Variants in PHF24 observed in about 807,000 individuals in gnomAD.
PHF24 encodes PHD finger protein 24, also known as Galpha inhibitory interacting protein.
A neutral mutation model predicts 42.6 loss-of-function variants in PHF24; 25 were observed. The observed-to-expected ratio is 0.59, with a 90% CI of 0.43 to 0.82. The LOEUF is 0.82. PHF24 is among the 40% of genes least tolerant of loss of function. The pLI is 0.00. For synonymous variants in PHF24, 185 were observed against 204.8 expected, an observed-to-expected ratio of 0.90 and a Z score of 0.83; for missense variants, 470 against 538.1, an observed-to-expected ratio of 0.87 and a Z score of 1.25.
At chr9:34,965,287 C>G (rs955629010) in intron 1 of PHF24, among the ~76,000 whole-genome samples, 3 of 152,208 alleles carry the variant, frequency 2.0e-5, no homozygotes, top group Non-Finnish European at 4.4e-5. Flanking sequence ...GTTTTAGACT[C>G]GCTTTTAAAG....
At chr9:34,838,688 C>T in the PHF24 span, 8 of 411,752 alleles carry the variant, frequency 1.9e-5, no homozygotes, top group African/African-American at 1.4e-4. Flanking sequence ...GTGATTCAGT[C>T]TGTAGATGAG....
At chr9:34,837,087 T>C in the PHF24 span, 1 of 471,186 alleles carries the variant, frequency 2.1e-6, no homozygotes, top group Non-Finnish European at 4.4e-6. Context: ...AGAGAACAGC[T>C]CTTGTGGCTT....
the PHF24 span, among the ~76,000 whole-genome samples, chr9:34,903,858 G>A: frequency 6.6e-6 from 1 of 152,216 alleles, no homozygotes; most frequent in South Asian, 2.1e-4. Flanking sequence ...TCTTTCAGCA[G>A]TGTTCTGTAG....
At chr9:34,897,920 T>C in the PHF24 span, among the ~76,000 whole-genome samples, 1 of 152,220 alleles carries the variant, frequency 6.6e-6, no homozygotes, top group South Asian at 2.1e-4. Flanking sequence ...TGAGAACATA[T>C]GATGTTTGGT....
chr9:34,758,097 A>G, the PHF24 span, among the ~76,000 whole-genome samples: 1 of 144,800 alleles, frequency 6.9e-6, no homozygotes, highest in African/African-American at 2.4e-5. This position sits in a 1 kb window ranked among gnomAD's most constrained non-coding sequence, Gnocchi z 4.4. Context: ...GCTTGGGGAT[A>G]TGTTTGCTGA....
At chr9:34,667,525 A>G in the PHF24 span, among the ~76,000 whole-genome samples, 1 of 152,142 alleles carries the variant, frequency 6.6e-6, no homozygotes, top group South Asian at 2.1e-4. Flanking sequence ...GTGCCGAGGA[A>G]CTAGAGGCCT....
the PHF24 span, among the ~76,000 whole-genome samples, chr9:34,830,445 T>C: frequency 3.3e-5 from 5 of 152,338 alleles, no homozygotes; most frequent in East Asian, 9.6e-4. Context: ...TGTTCTGCCA[T>C]GGCTCCTTAA....
At chr9:34,801,362 C>A in the PHF24 span, among the ~76,000 whole-genome samples, 1 of 152,158 alleles carries the variant, frequency 6.6e-6, no homozygotes, top group Non-Finnish European at 1.5e-5. Flanking sequence ...TATTGCAGCA[C>A]TATTTACAAT....
chr9:34,735,581 A>G, the PHF24 span, among the ~76,000 whole-genome samples: 5 of 151,088 alleles, frequency 3.3e-5, no homozygotes, highest in African/African-American at 9.7e-5. Context: ...CTGGTGGATC[A>G]TGAGGTCAGG....
the PHF24 span, among the ~76,000 whole-genome samples, chr9:34,810,274 C>T: frequency 0.016 from 2,424 of 152,250 alleles, 59 homozygotes; most frequent in East Asian, 0.098. Context: ...TCCAAGGTGG[C>T]CCCCGTGTCA....
At chr9:34,823,082 G>A in the PHF24 span, among the ~76,000 whole-genome samples, 131 of 151,438 alleles carry the variant, frequency 8.7e-4, no homozygotes, top group Non-Finnish European at 3.1e-4. Flanking sequence ...TGTAGTCCCA[G>A]CTACTGGGGA....
the PHF24 span, among the ~76,000 whole-genome samples, chr9:34,696,078 A>T: frequency 6.6e-6 from 1 of 152,238 alleles, no homozygotes; most frequent in Non-Finnish European, 1.5e-5. Context: ...GCACTTACTT[A>T]CTATGGTCAC....
At chr9:34,726,145 A>G in the PHF24 span, 20 of 1,333,482 alleles carry the variant, frequency 1.5e-5, 2 homozygotes, top group Non-Finnish European at 2.0e-5. Context: ...TGGGCTGGCC[A>G]GCCACACATG....
At chr9:34,854,432 T>C in the PHF24 span, among the ~76,000 whole-genome samples, 2 of 152,104 alleles carry the variant, frequency 1.3e-5, no homozygotes, top group African/African-American at 4.8e-5. Flanking sequence ...ATTTCCCTCT[T>C]AACACTGCTT....
At chr9:34,800,139 T>TA in the PHF24 span, among the ~76,000 whole-genome samples, 3 of 151,828 alleles carry the variant, frequency 2.0e-5, no homozygotes, top group Admixed American at 6.6e-5. Context: ...TTATACAAAT[T>TA]AAAAAAAAGA....
chr9:34,816,997 G>T, the PHF24 span, among the ~76,000 whole-genome samples: 1 of 152,096 alleles, frequency 6.6e-6, no homozygotes, highest in Non-Finnish European at 1.5e-5. Flanking sequence ...ACTTTAAAAT[G>T]ATCCTCTCAG....
chr9:34,917,448 A>C, the PHF24 span: 1 of 768,666 alleles, frequency 1.3e-6, no homozygotes, highest in Admixed American at 1.7e-5. Context: ...CCTTTCCGTA[A>C]GGATCCTAAC....
chr9:34,774,711 T>C, the PHF24 span, among the ~76,000 whole-genome samples: 2 of 152,236 alleles, frequency 1.3e-5, no homozygotes, highest in African/African-American at 4.8e-5. Context: ...AAGCAGAGGT[T>C]GGAGTGAGCA....
At chr9:34,757,512 C>T in the PHF24 span, among the ~76,000 whole-genome samples, 1 of 151,942 alleles carries the variant, frequency 6.6e-6, no homozygotes, top group Non-Finnish European at 1.5e-5. Context: ...CTTGCTTTTT[C>T]ATGTTTGATG....
Sources: gnomAD v4.1 joint callset for allele counts (sites outside exome capture counted in the v4.1 genomes callset) on GRCh38, gnomAD v4.1.1 for gene constraint, Gnocchi (gnomAD v3.1) non-coding constraint, MANE v1.5 for transcripts, NCBI Gene and HGNC (gene_info 2026-07-23, HGNC 2026-07-21) for gene names.